Variants in BFAR observed in about 807,000 individuals in gnomAD.
The protein encoded by BFAR is RING finger protein 47.
Under a neutral mutation model 54.4 loss-of-function variants are expected in BFAR, and 52 were observed. That is an observed-to-expected ratio of 0.96 (90% confidence interval 0.77 to 1.21). The LOEUF is 1.21. Among genes scored for constraint, BFAR ranks in the 50% most tolerant of loss-of-function variants. The probability of loss-of-function intolerance (pLI) is 0.00; values close to 1 mark genes in which losing one functional copy is unlikely to be tolerated. For synonymous variants in BFAR, 215 were observed against 204.3 expected, an observed-to-expected ratio of 1.05 and a Z score of -0.45; for missense variants, 571 against 534.0, an observed-to-expected ratio of 1.07 and a Z score of -0.68.
At chr16:14,652,176 G>A (rs761104140) in intron 4 of BFAR, among the ~76,000 whole-genome samples, 7 of 151,310 alleles carry the variant, frequency 4.6e-5, no homozygotes, top group Admixed American at 6.6e-5. Context: ...GTGAGCCACC[G>A]TGCTAGGCCT....
At chr16:14,659,344 C>A (rs1375530449) in intron 5 of BFAR, among the ~76,000 whole-genome samples, 1 of 151,416 alleles carries the variant, frequency 6.6e-6, no homozygotes, top group African/African-American at 2.4e-5. Flanking sequence ...CAGGTTCAAG[C>A]GATTCTCCTG....
chr16:14,665,211 C>T lies in BFAR; in HGVS notation c.1160+140C>T, dbSNP rs1382999696. 9.7e-6 allele frequency: 8 copies of T among 824,708 alleles called. No individual in the cohort carries two copies. In the East Asian group the frequency reaches 1.6e-4, roughly 16 times the overall value. 51.1% of individuals were successfully genotyped at this position (824,708 alleles called of 1,614,324 possible). ...TCAGACTCTGCTTTGAGAAACCTAG[C>T]TTAAGCAGTGAATAGGACAATTACC... On this transcript the variant is annotated intron_variant, in intron 7 of 7. Coordinates refer to ENST00000261658, the MANE Select transcript of BFAR (RefSeq NM_016561.3).
intron 1 of BFAR, among the ~76,000 whole-genome samples, chr16:14,642,815 A>G (rs1183492841): frequency 6.6e-6 from 1 of 152,124 alleles, no homozygotes; most frequent in African/African-American, 2.4e-5. Context: ...GTTGTTACCA[A>G]CCCCAGACAT....
At chr16:14,640,746 T>C (rs1033887604) in intron 1 of BFAR, among the ~76,000 whole-genome samples, 9 of 152,170 alleles carry the variant, frequency 5.9e-5, no homozygotes, top group African/African-American at 2.2e-4. Context: ...GTGTCGCACA[T>C]TAACACCCTC....
chr16:14,644,632 A>T (rs1169379630), intron 2 of BFAR, 23 bp downstream of exon 2: 7 of 1,594,520 alleles, frequency 4.4e-6, no homozygotes, highest in Non-Finnish European at 5.1e-6. Flanking sequence ...CTATATTGGT[A>T]GCACAAACAG....
At chr16:14,652,048 G>A (rs997825925) in intron 4 of BFAR, among the ~76,000 whole-genome samples, 3 of 151,582 alleles carry the variant, frequency 2.0e-5, no homozygotes, top group Admixed American at 6.6e-5. Flanking sequence ...CACCACGCCC[G>A]GCTAATTTTT....
chr16:14,648,903 C>G (rs996971217), intron 3 of BFAR, among the ~76,000 whole-genome samples: 2 of 151,890 alleles, frequency 1.3e-5, no homozygotes, highest in African/African-American at 2.4e-5. Flanking sequence ...CTCTGTCGCC[C>G]AGGCTGGAGT....
intron 4 of BFAR, among the ~76,000 whole-genome samples, chr16:14,651,512 C>CT (rs1202066706): frequency 6.6e-6 from 1 of 152,102 alleles, no homozygotes; most frequent in East Asian, 1.9e-4. Context: ...GACAGGGTCT[C>CT]ACTCTGTAGC....
chr16:14,640,805 C>T lies in BFAR; in HGVS notation c.-73-3469C>T, dbSNP rs567198891. Reference sequence around the variant, plus strand: ...CTCTTAACCGCCTCTGGGAGTTGGCCCCTTCTGAGAGCCTAATAAACCCTA... The same window carrying T: ...CTCTTAACCGCCTCTGGGAGTTGGCTCCTTCTGAGAGCCTAATAAACCCTA... On this transcript the variant is annotated intron_variant, in intron 1 of 7. Coordinates refer to ENST00000261658, the MANE Select transcript of BFAR (RefSeq NM_016561.3). Among the ~76,000 whole-genome samples, 9 of 152,280 alleles carry T rather than the reference C, an allele frequency of 5.9e-5. No homozygotes were observed. The South Asian group carries it at 1.9e-3, about 32-fold the overall frequency.
At chr16:14,661,549 T>A (rs1208836390) in intron 5 of BFAR, among the ~76,000 whole-genome samples, 2 of 151,848 alleles carry the variant, frequency 1.3e-5, no homozygotes, top group African/African-American at 4.8e-5. Flanking sequence ...CTACAGGGCA[T>A]GAGCCACCAT....
At chr16:14,651,301 G>A (rs1045089329) in intron 4 of BFAR, among the ~76,000 whole-genome samples, 4 of 152,116 alleles carry the variant, frequency 2.6e-5, no homozygotes, top group Non-Finnish European at 5.9e-5. Flanking sequence ...AAGGAAACAC[G>A]TACTTTCACT....
intron 3 of BFAR, 125 bp downstream of exon 3, chr16:14,648,717 A>C: frequency 4.2e-6 from 3 of 708,668 alleles, no homozygotes; most frequent in Non-Finnish European, 7.1e-6. Context: ...GTAATTTACT[A>C]CGTACATTGA....
At chr16:14,658,220 G>A (rs1338184282) in intron 5 of BFAR, among the ~76,000 whole-genome samples, 1 of 152,192 alleles carries the variant, frequency 6.6e-6, no homozygotes. Flanking sequence ...TTTTGAGGAG[G>A]CGGTGTCTGA....
rs777760259 is a variant in BFAR at position 14,649,841 on chromosome 16, C to G, written c.506C>G (p.Ser169Cys). The G allele has an allele frequency of 6.2e-6, 10 of 1,610,844 alleles. No individual in the cohort carries two copies. In the South Asian group the frequency reaches 1.1e-4, roughly 18 times the overall value. The stretch of plus-strand genomic sequence containing the variant: ...GTCTATCACTGGAGCAGCAGGGAAT[C>G]TGAACACGACCTCCTGGTCCACAAG... Reference protein sequence around the residue: ...LLVYHWSSRESEHDLLVHKAV... With the variant: ...LLVYHWSSRECEHDLLVHKAV... The change falls in exon 4 of 8, where the codon TCT becomes TGT. Residue 169 changes from serine (S) to cysteine (C), a missense_variant. Physicochemically the swap from Ser to Cys is moderately radical, Grantham distance 112. Transcript: ENST00000261658.
chr16:14,645,093 T>C (rs1959752026), intron 2 of BFAR, among the ~76,000 whole-genome samples: 1 of 152,140 alleles, frequency 6.6e-6, no homozygotes, highest in East Asian at 1.9e-4. Context: ...GTAGGAACAT[T>C]GCTTGACACC....
intron 4 of BFAR, among the ~76,000 whole-genome samples, chr16:14,653,605 G>T (rs1385911874): frequency 6.6e-6 from 1 of 151,966 alleles, no homozygotes; most frequent in East Asian, 1.9e-4. Flanking sequence ...TGGATTACAG[G>T]CATGAGCCAC....
At chr16:14,644,775 G>A (rs1188445603) in intron 2 of BFAR, among the ~76,000 whole-genome samples, 166 bp downstream of exon 2, 4 of 151,522 alleles carry the variant, frequency 2.6e-5, no homozygotes, top group Admixed American at 2.0e-4. Flanking sequence ...CCAAAGTGCT[G>A]GGATTATAGG....
In BFAR at chr16:14,665,000, C is replaced by T; in HGVS notation, c.1089C>T (p.Ile363=). Residue 363 remains isoleucine (I), a synonymous_variant, in exon 7 of 8, where the codon ATC becomes ATT. Coordinates refer to ENST00000261658, the MANE Select transcript of BFAR (RefSeq NM_016561.3). ...EVHYWTSRFL[I]INAMLLSVLE... is the part of the protein sequence containing the mutation. ...ATTACTGGACATCACGGTTTCTCAT[C>T]ATCAATGCTATGTTACTCTCAGTTC... is the stretch of plus-strand genomic sequence containing the variant. 1 of 1,614,060 alleles carries T rather than the reference C, an allele frequency of 6.2e-7. No individual in the cohort carries two copies. Among genetic ancestry groups the T allele is most frequent in the Non-Finnish European group, 8.5e-7 (1 of 1,179,924 alleles).
intron 2 of BFAR, among the ~76,000 whole-genome samples, chr16:14,646,100 G>A (rs1007696735): frequency 6.6e-6 from 1 of 152,098 alleles, no homozygotes; most frequent in Non-Finnish European, 1.5e-5. Context: ...TTCCTAGGCT[G>A]GAGTGCAATG....
Sources: gnomAD v4.1 joint callset for allele counts (sites outside exome capture counted in the v4.1 genomes callset) on GRCh38, gnomAD v4.1.1 for gene constraint, MANE v1.5 for transcripts, NCBI Gene and HGNC (gene_info 2026-07-23, HGNC 2026-07-21) for gene names.